The following CYP26A1 variants were observed in gnomAD, a reference collection of about 807,000 sequenced individuals.
CYP26A1 encodes the protein cytochrome P450 26A1.
A neutral mutation model predicts 47.4 loss-of-function variants in CYP26A1; 46 were observed. The ratio of observed to expected loss-of-function variants is 0.97; its 90% confidence interval spans 0.77 to 1.24. The LOEUF (loss-of-function observed/expected upper bound fraction) is 1.24. Among genes scored for constraint, CYP26A1 ranks in the 50% most tolerant of loss-of-function variants. The pLI is 0.00. For synonymous variants in CYP26A1, 277 were observed against 263.7 expected, an observed-to-expected ratio of 1.05 and a Z score of -0.49; for missense variants, 680 against 644.4, an observed-to-expected ratio of 1.06 and a Z score of -0.60.
Position 93,075,901 on chromosome 10 carries a change from A to T in CYP26A1, c.940A>T (p.Thr314Ser), listed in dbSNP as rs751784359. The change falls in exon 5 of 7, where the codon ACT (threonine) becomes TCT (serine). Residue 314 changes from threonine to serine, a missense_variant. By Grantham distance (58) the Thr-to-Ser change is moderately conservative (BLOSUM62 1). Coordinates refer to ENST00000224356, the MANE Select transcript of CYP26A1 (RefSeq NM_000783.4). ...GGCCAGTGCAGCCACATCTCTGATC[A>T]CTTACCTGGGGCTCTACCCACATGT... Reference protein sequence around the residue: ...TTASAATSLITYLGLYPHVLQ... With the variant: ...TTASAATSLISYLGLYPHVLQ... The T allele has an allele frequency of 6.2e-6, 10 of 1,611,562 alleles. No individual in the cohort carries two copies. The highest frequency in any genetic ancestry group is 2.2e-5 in the East Asian group (1 of 44,870).
In CYP26A1 at chr10:93,074,377, C is replaced by A; in HGVS notation, c.259C>A (p.Pro87Thr). The A allele has an allele frequency of 6.2e-7, 1 of 1,612,036 alleles. No homozygotes were observed. The change falls in exon 2 of 7, where the codon CCC (proline) becomes ACC (threonine). Residue 87 changes from proline (P) to threonine (T), a missense_variant. Pro to Thr is a conservative substitution (Grantham distance 38). Transcript: ENST00000224356. The surrounding 1 kb of genome is among the most constrained non-coding windows in gnomAD (Gnocchi z 5.3). Reference protein sequence around the residue: ...FIYKTHLFGRPTVRVMGADNV... With the variant: ...FIYKTHLFGRTTVRVMGADNV... Reference sequence around the variant, plus strand: ...CTACAAGACGCATCTGTTCGGGCGGCCCACCGTACGGGTGATGGGCGCGGA... The same window carrying A: ...CTACAAGACGCATCTGTTCGGGCGGACCACCGTACGGGTGATGGGCGCGGA...
Position 93,075,321 on chromosome 10 carries a change from T to G in CYP26A1, c.864+14T>G. 6.2e-7 allele frequency: 1 copy of G among 1,611,344 alleles called. No individual in the cohort carries two copies. Among genetic ancestry groups the G allele is most frequent in the Non-Finnish European group, 8.5e-7 (1 of 1,178,038 alleles). ...CTGGACATGCAGGTGAGTAGCAGCT[T>G]CAGACCAGGCACTGCGGAGTTTGGT... On this transcript the variant is annotated intron_variant, in intron 4 of 6. Transcript: ENST00000224356.
chr10:93,074,266 GC>G lies in CYP26A1; in HGVS notation c.190-37del. 6.6e-7 allele frequency: 1 copy of G among 1,508,000 alleles called. No homozygotes were observed. The highest frequency in any genetic ancestry group is 9.2e-7 in the Non-Finnish European group (1 of 1,090,438). 93.4% of individuals were successfully genotyped at this position (1,508,000 alleles called of 1,614,324 possible). On this transcript the variant is annotated intron_variant, in intron 1 of 6. Transcript: ENST00000224356. This position sits in a 1 kb window ranked among gnomAD's most constrained non-coding sequence, Gnocchi z 5.3. ...TGGCGGGAGCGCGGCGCTCCCCGGC[GC>G]CCCCTCATGCCCACTTCTCTCCTCC...
At position 93,075,028 on chromosome 10, in the gene CYP26A1, T is replaced by C. The variant is rs1197384786; in HGVS notation, c.664T>C (p.Phe222Leu). 1 of 1,613,044 alleles carries C rather than the reference T, an allele frequency of 6.2e-7. No homozygotes were observed. Among genetic ancestry groups the C allele is most frequent in the East Asian group, 2.2e-5 (1 of 44,872 alleles). Residue 222 changes from phenylalanine to leucine, a missense_variant, in exon 3 of 7, where the codon TTC becomes CTC. Phe to Leu is a conservative substitution (Grantham distance 22, BLOSUM62 0). Coordinates refer to ENST00000224356, the MANE Select transcript of CYP26A1 (RefSeq NM_000783.4). ...EAFEEMTRNL[F>L]SLPIDVPFSG... The stretch of plus-strand genomic sequence containing the variant: ...CTTCGAGGAAATGACCCGCAATCTC[T>C]TCTCGCTGCCCATCGACGTGCCCTT...
rs1739398815 is a variant in CYP26A1, at chr10:93,076,393, A to G, written c.1000-151A>G. Reference sequence around the variant, plus strand: ...AAATAGATAGTGGATTTGGGCAGGCAAATGGCCATTAGCTGCTGTTTCCCC... The same window carrying G: ...AAATAGATAGTGGATTTGGGCAGGCGAATGGCCATTAGCTGCTGTTTCCCC... On this transcript the variant is annotated intron_variant, in intron 5 of 6. Coordinates refer to ENST00000224356, the MANE Select transcript of CYP26A1 (RefSeq NM_000783.4). 4 of 608,814 alleles carry G rather than the reference A, an allele frequency of 6.6e-6. No homozygotes were observed. In the South Asian group the frequency reaches 8.6e-5, roughly 13 times the overall value. 37.7% of individuals were successfully genotyped at this position (608,814 alleles called of 1,614,324 possible). A position where few individuals can be genotyped will look rare whatever the true frequency, so the allele number is the denominator to read the frequency against.
In CYP26A1 at chr10:93,074,755, C is replaced by T; in HGVS notation, c.415-24C>T. ...GAGAGGGGCGGATGGAGGCTTTTAA[C>T]GCTGTCCCCTCCTCGGGACTCAGGT... On this transcript the variant is annotated intron_variant, in intron 2 of 6. Transcript: ENST00000224356. The surrounding 1 kb of genome is among the most constrained non-coding windows in gnomAD (Gnocchi z 5.3). 3.8e-6 allele frequency: 6 copies of T among 1,579,150 alleles called. No homozygotes were observed. The highest frequency in any genetic ancestry group is 1.3e-5 in the African/African-American group (1 of 74,686).
intron 5 of CYP26A1, 91 bp downstream of exon 5, chr10:93,076,051 C>T: frequency 9.8e-7 from 1 of 1,015,270 alleles, no homozygotes; most frequent in South Asian, 1.4e-5. Context: ...GTGCTGCCTT[C>T]ATGGAGTATT....
At position 93,075,083 on chromosome 10, in the gene CYP26A1, A is replaced by T. The variant is rs773029246; in HGVS notation, c.705+14A>T. 6.2e-7 allele frequency: 1 copy of T among 1,611,294 alleles called. No homozygotes were observed. Among genetic ancestry groups the T allele is most frequent in the Non-Finnish European group, 8.5e-7 (1 of 1,178,652 alleles). ...GGGCTGTACCGGGTAAGGGCGGCAA[A>T]CGGGCTGCGGACTAGGGGCGCGGGA... On this transcript the variant is annotated intron_variant, in intron 3 of 6. Coordinates refer to ENST00000224356, the MANE Select transcript of CYP26A1 (RefSeq NM_000783.4).
In CYP26A1 at chr10:93,075,832, A is replaced by C; in HGVS notation, c.871A>C (p.Lys291Gln). The C allele has an allele frequency of 3.1e-6, 5 of 1,612,222 alleles. No individual in the cohort carries two copies. Among genetic ancestry groups the C allele is most frequent in the Non-Finnish European group, 4.2e-6 (5 of 1,178,266 alleles). Residue 291 changes from lysine (K) to glutamine (Q), a missense_variant, in exon 5 of 7, where the codon AAG becomes CAG. Coordinates refer to ENST00000224356, the MANE Select transcript of CYP26A1 (RefSeq NM_000783.4). ...GGTCTCACTCTATTCTTAGGCACTAAAGCAATCTTCAACCGAACTCCTCTT... is the reference window on the plus strand; with the variant it reads ...GGTCTCACTCTATTCTTAGGCACTACAGCAATCTTCAACCGAACTCCTCTT... ...RGERLDMQAL[K>Q]QSSTELLFGG...
intron 6 of CYP26A1, 115 bp from the exon 7 acceptor site, chr10:93,076,848 T>C: frequency 1.1e-6 from 1 of 912,926 alleles, no homozygotes; most frequent in Non-Finnish European, 1.7e-6. Context: ...TCTCTCTTTC[T>C]ACCTCTCCCT....
Position 93,075,208 on chromosome 10 carries a change from C to G in CYP26A1, c.765C>G (p.Ile255Met). 6.2e-7 allele frequency: 1 copy of G among 1,613,948 alleles called. No homozygotes were observed. The highest frequency in any genetic ancestry group is 8.5e-7 in the Non-Finnish European group (1 of 1,179,980). Residue 255 changes from isoleucine to methionine, a missense_variant, in exon 4 of 7, where the codon ATC becomes ATG. Coordinates refer to ENST00000224356, the MANE Select transcript of CYP26A1 (RefSeq NM_000783.4). ...TCGAGCAGAACATTCGCGCCAAGATCTGCGGGCTGCGGGCATCCGAGGCGG... is the reference window on the plus strand; with the variant it reads ...TCGAGCAGAACATTCGCGCCAAGATGTGCGGGCTGCGGGCATCCGAGGCGG... ...ARIEQNIRAK[I>M]CGLRASEAGQ...
rs374370768 is a variant in CYP26A1, at chr10:93,074,842, G to A, written c.478G>A (p.Val160Met). The A allele has an allele frequency of 5.8e-5, 93 of 1,612,008 alleles. 1 individual carries two copies. The highest frequency in any genetic ancestry group is 4.9e-4 in the Middle Eastern group (3 of 6,084). ...CTACGTGCCGGTGATCACCGAGGAA[G>A]TGGGCAGCAGCCTGGAGCAGTGGCT... ...ECYVPVITEE[V>M]GSSLEQWLSC... The change falls in exon 3 of 7, where the codon GTG (valine) becomes ATG (methionine). Residue 160 changes from valine to methionine, a missense_variant. Coordinates refer to ENST00000224356, the MANE Select transcript of CYP26A1 (RefSeq NM_000783.4). This position sits in a 1 kb window ranked among gnomAD's most constrained non-coding sequence, Gnocchi z 5.3.
At chr10:93,076,416 C>T (rs897739742) in intron 5 of CYP26A1, 128 bp from the exon 6 acceptor site, 32 of 638,962 alleles carry the variant, frequency 5.0e-5, no homozygotes, top group Non-Finnish European at 8.5e-5. Flanking sequence ...CTGCTGTTTC[C>T]CCCTCCCAGT....
At position 93,074,806 on chromosome 10, in the gene CYP26A1, G is replaced by A; in HGVS notation, c.442G>A (p.Ala148Thr). The A allele has an allele frequency of 3.7e-6, 6 of 1,607,930 alleles. No individual in the cohort carries two copies. Among genetic ancestry groups the A allele is most frequent in the South Asian group, 3.3e-5 (3 of 91,048 alleles). ...KVIMRAFSRE[A>T]LECYVPVITE... ...GATTATGCGGGCCTTCAGCCGCGAG[G>A]CACTCGAATGCTACGTGCCGGTGAT... Residue 148 changes from alanine to threonine, a missense_variant, in exon 3 of 7, where the codon GCA becomes ACA. By Grantham distance (58) the Ala-to-Thr change is moderately conservative (BLOSUM62 0). Coordinates refer to ENST00000224356, the MANE Select transcript of CYP26A1 (RefSeq NM_000783.4). This position sits in a 1 kb window ranked among gnomAD's most constrained non-coding sequence, Gnocchi z 5.3.
chr10:93,076,503 G>T (rs1400894692), intron 5 of CYP26A1, 41 bp from the exon 6 acceptor site: 1 of 1,464,198 alleles, frequency 6.8e-7, no homozygotes, highest in Non-Finnish European at 9.4e-7. Context: ...TTTTATTGGA[G>T]CACAAAATAA....
In CYP26A1 at chr10:93,074,439, G is replaced by T; in HGVS notation, c.321G>T (p.Leu107=). 1 of 1,611,370 alleles carries T rather than the reference G, an allele frequency of 6.2e-7. No individual in the cohort carries two copies. Among genetic ancestry groups the T allele is most frequent in the Non-Finnish European group, 8.5e-7 (1 of 1,178,282 alleles). ...GCATCTTGCTCGGAGAGCACCGGCTGGTGTCGGTCCACTGGCCAGCGTCGG... is the reference window on the plus strand; with the variant it reads ...GCATCTTGCTCGGAGAGCACCGGCTTGTGTCGGTCCACTGGCCAGCGTCGG... ...VRRILLGEHR[L]VSVHWPASVR... Residue 107 remains leucine, a synonymous_variant, in exon 2 of 7, where the codon CTG becomes CTT. Transcript: ENST00000224356. This position sits in a 1 kb window ranked among gnomAD's most constrained non-coding sequence, Gnocchi z 5.3.
upstream of CYP26A1, chr10:93,073,743 A>G (rs1846927205): frequency 1.8e-6 from 1 of 563,366 alleles, no homozygotes; most frequent in Non-Finnish European, 3.1e-6. Context: ...ACAAACGGTT[A>G]AAGATTTTGG....
Position 93,074,220 on chromosome 10 carries a change from T to A in CYP26A1, c.190-88T>A, listed in dbSNP as rs572000694. 9.6e-5 allele frequency: 147 copies of A among 1,528,150 alleles called. 1 individual carries two copies. In the East Asian group the frequency reaches 2.7e-3, roughly 28 times the overall value. The allele number at this position is 1,528,150 out of a possible 1,614,324, so 94.7% of individuals were successfully genotyped here. On this transcript the variant is annotated intron_variant, in intron 1 of 6. Transcript: ENST00000224356. This position sits in a 1 kb window ranked among gnomAD's most constrained non-coding sequence, Gnocchi z 5.3. ...GGGTAGGCGCCCCCGGGAGGCATGC[T>A]ATTGCGGCTAGGAGCAGGGCTGGCG...
rs779114584 is a variant in CYP26A1 at position 93,075,147 on chromosome 10, AG to A, written c.707del. The stretch of plus-strand genomic sequence containing the variant: ...TCACCGCCGCGCGCTCTCTGCGCTC[AG>A]GGCATGAAGGCGCGGAACCTCATTC... On this transcript the variant is annotated splice_acceptor_variant, in intron 3 of 6. Coordinates refer to ENST00000224356, the MANE Select transcript of CYP26A1 (RefSeq NM_000783.4). LOFTEE classifies it high-confidence loss of function. 3 of 1,612,854 alleles carry A rather than the reference AG, an allele frequency of 1.9e-6. No homozygotes were observed. The highest frequency in any genetic ancestry group is 2.7e-5 in the African/African-American group (2 of 74,932).
Sources: allele counts gnomAD v4.1 joint callset, GRCh38; gene constraint gnomAD v4.1.1; non-coding constraint Gnocchi (gnomAD v3.1); transcripts MANE v1.5; gene names NCBI Gene and HGNC (gene_info 2026-07-23, HGNC 2026-07-21).